Variants in ABCB1 observed in about 807,000 individuals in gnomAD.
ABCB1 encodes ATP-dependent translocase ABCB1.
Under a neutral mutation model 142.0 loss-of-function variants are expected in ABCB1, and 69 were observed. The ratio of observed to expected loss-of-function variants is 0.49; its 90% CI spans 0.40 to 0.59. The LOEUF is 0.59. Ranked by LOEUF, ABCB1 falls within the 20% of genes least tolerant of loss-of-function variation. The probability of loss-of-function intolerance (pLI) is 0.00; values close to 1 mark genes in which losing one functional copy is unlikely to be tolerated. For missense variants in ABCB1, 1,326 were observed against 1,554.7 expected (o/e 0.85, Z 2.47); for synonymous variants, 532 against 539.2 (o/e 0.99, Z 0.18).
intron 4 of ABCB1, among the ~76,000 whole-genome samples, chr7:87,580,975 T>G (rs553867095): frequency 6.6e-6 from 1 of 152,158 alleles, no homozygotes; most frequent in South Asian, 2.1e-4. Context: ...GTCGCTCACC[T>G]GGTTTTTAGT....
intron 1 of ABCB1, among the ~76,000 whole-genome samples, chr7:87,637,843 C>T (rs1175707105): frequency 6.6e-6 from 1 of 151,966 alleles, no homozygotes; most frequent in African/African-American, 2.4e-5. Context: ...AGTGCACAGT[C>T]ATGTCATTTG....
At chr7:87,639,060 G>C (rs1822152383) in intron 1 of ABCB1, among the ~76,000 whole-genome samples, 1 of 147,994 alleles carries the variant, frequency 6.8e-6, no homozygotes. Flanking sequence ...GCTGAGGCAG[G>C]AGAATGGTGT....
intron 4 of ABCB1, among the ~76,000 whole-genome samples, chr7:87,570,666 T>C (rs1386345981): frequency 1.3e-5 from 2 of 152,196 alleles, no homozygotes; most frequent in Non-Finnish European, 2.9e-5. Context: ...AACAGTGTAA[T>C]AAACACCAGT....
chr7:87,699,114 C>T (rs954975076), intron 1 of ABCB1, among the ~76,000 whole-genome samples: 1 of 152,122 alleles, frequency 6.6e-6, no homozygotes, highest in Admixed American at 6.5e-5. Context: ...CAGATATTAT[C>T]TCAGACATTG....
intron 1 of ABCB1, among the ~76,000 whole-genome samples, chr7:87,671,930 G>T (rs1177319343): frequency 6.6e-6 from 1 of 152,140 alleles, no homozygotes; most frequent in African/African-American, 2.4e-5. Flanking sequence ...GAGTGCTGGA[G>T]GCCCTGGTTG....
In ABCB1 at chr7:87,642,771, G is replaced by C. The variant is rs1050317119; in HGVS notation, c.-330-41693C>G. Among the ~76,000 whole-genome samples, 6 of 152,156 alleles carry C rather than the reference G, an allele frequency of 3.9e-5. No homozygotes were observed. The East Asian group carries it at 1.2e-3, about 29-fold the overall frequency. On this transcript the variant is annotated intron_variant, in intron 1 of 28. Coordinates refer to the ABCB1 transcript ENST00000265724. ...TATGTTTGGCAATCTGCTGTCATCA[G>C]TCTGCTTATATAGCAATACAAGATG...
At chr7:87,507,157 T>C (rs1400671588) in intron 26 of ABCB1, among the ~76,000 whole-genome samples, 2 of 152,142 alleles carry the variant, frequency 1.3e-5, no homozygotes, top group Non-Finnish European at 2.9e-5. Context: ...GACTTAGGGG[T>C]TTTACCTTTT....
At chr7:87,545,665 T>G (rs1375285204) in intron 15 of ABCB1, among the ~76,000 whole-genome samples, 198 bp downstream of exon 15, 1 of 152,224 alleles carries the variant, frequency 6.6e-6, no homozygotes, top group Non-Finnish European at 1.5e-5. Context: ...TTTAATTTTT[T>G]TATCTGTTTA....
At chr7:87,565,899 G>A (rs1012275681) in intron 7 of ABCB1, among the ~76,000 whole-genome samples, 171 bp downstream of exon 7, 2 of 152,138 alleles carry the variant, frequency 1.3e-5, no homozygotes, top group African/African-American at 4.8e-5. Flanking sequence ...GTCTTGGCAG[G>A]GGTAGTACTC....
intron 1 of ABCB1, among the ~76,000 whole-genome samples, chr7:87,613,257 C>CTTTTTTTTTTTTTTTTTTT (rs67823385): frequency 2.2e-4 from 14 of 64,206 alleles, no homozygotes; most frequent in South Asian, 7.8e-4. Flanking sequence ...TCCTTTATTT[C>CTTTTTTTTTTTTTTTTTTT]TTTTTTTTTT....
chr7:87,546,436 A>C (rs552507268), intron 14 of ABCB1, among the ~76,000 whole-genome samples: 1 of 152,110 alleles, frequency 6.6e-6, no homozygotes, highest in Non-Finnish European at 1.5e-5. Context: ...AAAATACAAA[A>C]AATTAGCTGG....
intron 1 of ABCB1, chr7:87,700,421 G>A (rs781710282): frequency 2.5e-6 from 4 of 1,595,918 alleles, no homozygotes; most frequent in Admixed American, 3.6e-5. Context: ...TCTCCTGAAG[G>A]TCAAGTAACC....
At chr7:87,614,749 T>A (rs1253461431) in intron 1 of ABCB1, among the ~76,000 whole-genome samples, 1 of 152,212 alleles carries the variant, frequency 6.6e-6, no homozygotes, top group Non-Finnish European at 1.5e-5. Flanking sequence ...TAATATCCAG[T>A]TTAATAGCAT....
chr7:87,647,664 G>C (rs1823146133), intron 1 of ABCB1, among the ~76,000 whole-genome samples: 1 of 152,020 alleles, frequency 6.6e-6, no homozygotes, highest in Admixed American at 6.6e-5. Context: ...GTTTCAATTT[G>C]AATTACCATT....
intron 1 of ABCB1, among the ~76,000 whole-genome samples, chr7:87,659,066 A>T (rs1252691409): frequency 2.6e-5 from 4 of 152,090 alleles, no homozygotes; most frequent in Non-Finnish European, 5.9e-5. Context: ...AGGTGGGAGG[A>T]TCACTTAAGC....
chr7:87,519,314 C>G lies in ABCB1; in HGVS notation c.2927+12G>C. 6.2e-7 allele frequency: 1 copy of G among 1,613,040 alleles called. No homozygotes were observed. The highest frequency in any genetic ancestry group is 8.5e-7 in the Non-Finnish European group (1 of 1,179,168). On this transcript the variant is annotated intron_variant, in intron 23 of 27. Transcript: ENST00000622132. ...TTTTTAGAGCTTAACTAAATAATAGCCCAATACTTACAACAGAACATCCTC... is the reference window on the plus strand; with the variant it reads ...TTTTTAGAGCTTAACTAAATAATAGGCCAATACTTACAACAGAACATCCTC...
rs59241388 is a variant in ABCB1, at chr7:87,506,031, T to C, written c.3502A>G (p.Lys1168Glu). ...AGCTGAGTTCCTTTGTCTCCTACTTTAGTGCTATATTTCTGTAAATAAGGT... is the reference window on the plus strand; with the variant it reads ...AGCTGAGTTCCTTTGTCTCCTACTTCAGTGCTATATTTCTGTAAATAAGGT... ...IESLPNKYST[K>E]VGDKGTQLSG... is the part of the protein sequence containing the mutation. Residue 1168 changes from lysine (K) to glutamate (E), a missense_variant, in exon 27 of 28, where the codon AAA becomes GAA. Transcript: ENST00000622132. 370 of 1,614,004 alleles carry C rather than the reference T, an allele frequency of 2.3e-4. 7 individuals carry two copies. In the Admixed American group the frequency reaches 6.0e-3, roughly 26 times the overall value.
At chr7:87,708,285 G>A (rs1829781418) in intron 1 of ABCB1, among the ~76,000 whole-genome samples, 1 of 152,008 alleles carries the variant, frequency 6.6e-6, no homozygotes, top group South Asian at 2.1e-4. Context: ...ATAAATTACC[G>A]ATATGAGGAA....
chr7:87,566,768 T>G lies in ABCB1; in HGVS notation c.530+17A>C, dbSNP rs1467603850. On this transcript the variant is annotated intron_variant, in intron 6 of 27. Coordinates refer to ENST00000622132, the MANE Select transcript of ABCB1 (RefSeq NM_001348946.2). The stretch of plus-strand genomic sequence containing the variant: ...ATAAGAACGACACCCAAGTTCAACA[T>G]AAAACTAAATACTTACTCTGTAAGT... 6.2e-7 allele frequency: 1 copy of G among 1,613,262 alleles called. No homozygotes were observed. Among genetic ancestry groups the G allele is most frequent in the Non-Finnish European group, 8.5e-7 (1 of 1,179,374 alleles).
Sources: allele counts gnomAD v4.1 joint callset (sites outside exome capture counted in the v4.1 genomes callset), GRCh38; gene constraint gnomAD v4.1.1; transcripts MANE v1.5; gene names NCBI Gene and HGNC (gene_info 2026-07-23, HGNC 2026-07-21).